Variants in EXOG observed in about 807,000 individuals in gnomAD.
EXOG encodes the protein nuclease EXOG, mitochondrial.
In EXOG, 27 loss-of-function variants were observed where a neutral mutation model predicts 25.8. That is an observed-to-expected ratio of 1.05 (90% CI 0.77 to 1.45). The LOEUF is 1.45. Among genes scored for constraint, EXOG ranks in the 40% most tolerant of loss-of-function variants. The probability of loss-of-function intolerance (pLI) is 0.00; values close to 1 mark genes in which losing one functional copy is unlikely to be tolerated. For synonymous variants in EXOG, 133 were observed against 167.0 expected, an observed-to-expected ratio of 0.80 and a Z score of 1.57; for missense variants, 458 against 450.5, an observed-to-expected ratio of 1.02 and a Z score of -0.15.
intron 3 of EXOG, among the ~76,000 whole-genome samples, chr3:38,502,818 A>G (rs1288679099): frequency 6.6e-6 from 1 of 152,148 alleles, no homozygotes; most frequent in Non-Finnish European, 1.5e-5. Flanking sequence ...TTCCCTGCCA[A>G]AAAGTGGGAG....
rs771296937 is a variant in EXOG at position 38,506,867 on chromosome 3, T to G, written c.544T>G (p.Cys182Gly). ...SGYWNRIEMY[C>G]RELTERFEDV... Reference sequence around the variant, plus strand: ...TTTGTTTTTCAGAATAGAAATGTACTGTCGAGAGCTGACAGAAAGGTTTGA... The same window carrying G: ...TTTGTTTTTCAGAATAGAAATGTACGGTCGAGAGCTGACAGAAAGGTTTGA... Residue 182 changes from cysteine to glycine, a missense_variant, in exon 5 of 6, where the codon TGT becomes GGT. This residue lies in a region of EXOG where 275 missense variants were observed against 230.5 expected (regional missense o/e 1.19). Transcript: ENST00000287675. 1.3e-6 allele frequency: 2 copies of G among 1,569,800 alleles called. No homozygotes were observed. The highest frequency in any genetic ancestry group is 3.4e-5 in the Admixed American group (2 of 59,624).
At chr3:38,521,812 G>A (rs956509394) in intron 5 of EXOG, among the ~76,000 whole-genome samples, 2 of 152,158 alleles carry the variant, frequency 1.3e-5, no homozygotes, top group Non-Finnish European at 2.9e-5. Context: ...TCCCACTCTA[G>A]GTGGTAAGTT....
chr3:38,504,155 G>A (rs1453658628), intron 4 of EXOG, among the ~76,000 whole-genome samples: 6 of 152,176 alleles, frequency 3.9e-5, no homozygotes, highest in Middle Eastern at 3.4e-3. Flanking sequence ...ATTGCTTGAG[G>A]CCAGCAGTTT....
In EXOG at chr3:38,496,377, A is replaced by G. The variant is rs765146335; in HGVS notation, c.10A>G (p.Lys4Glu). 1.9e-6 allele frequency: 3 copies of G among 1,613,486 alleles called. No homozygotes were observed. The highest frequency in any genetic ancestry group is 8.5e-7 in the Non-Finnish European group (1 of 1,179,666). ...CGGTACCTCGGGCAAGATGGCTATC[A>G]AGAGTATCGCTTCCCGCCTCCGGGG... The part of the protein sequence containing the change: MAI[K>E]SIASRLRGSR... Residue 4 changes from lysine to glutamate, a missense_variant, in exon 1 of 6, where the codon AAG (lysine) becomes GAG (glutamate). This residue lies in a region of EXOG where 275 missense variants were observed against 230.5 expected (regional missense o/e 1.19). Transcript: ENST00000287675.
intron 5 of EXOG, among the ~76,000 whole-genome samples, chr3:38,508,716 C>CG (rs1047405871): frequency 1.1e-4 from 17 of 149,176 alleles, no homozygotes; most frequent in South Asian, 2.2e-4. Flanking sequence ...GAACCACCCC[C>CG]CCCCCAAAAA....
chr3:38,523,176 TG>T (rs759137523), intron 5 of EXOG: 1 of 1,284,870 alleles, frequency 7.8e-7, no homozygotes, highest in Non-Finnish European at 1.0e-6. Context: ...TTTCTAGAGC[TG>T]GGAGTACCCA....
At chr3:38,514,778 C>CTCTTTT (rs2060485349) in intron 5 of EXOG, among the ~76,000 whole-genome samples, 9 of 113,610 alleles carry the variant, frequency 7.9e-5, no homozygotes, top group Non-Finnish European at 1.2e-4. Context: ...CCTCCCCCTG[C>CTCTTTT]TTTTTTTTTT....
At chr3:38,496,770 C>T in intron 1 of EXOG, 2 of 1,467,388 alleles carry the variant, frequency 1.4e-6, no homozygotes, top group Non-Finnish European at 9.0e-7. Context: ...AGAACCACCC[C>T]CGCCGCCCGA....
chr3:38,497,584 T>G (rs146082882), intron 1 of EXOG, 45 bp from the exon 2 acceptor site: 161 of 1,543,098 alleles, frequency 1.0e-4, no homozygotes, highest in Admixed American at 2.6e-4. Context: ...GTGTGTGTGT[T>G]TTTTTTGTCT....
At chr3:38,517,034 C>T (rs2060566850) in intron 5 of EXOG, among the ~76,000 whole-genome samples, 2 of 152,154 alleles carry the variant, frequency 1.3e-5, no homozygotes, top group African/African-American at 4.8e-5. Flanking sequence ...TTCACCATTT[C>T]CCCCTTTGGA....
chr3:38,513,947 A>T (rs1409525721), intron 5 of EXOG: 1 of 152,294 alleles, frequency 6.6e-6, no homozygotes, highest in Admixed American at 6.5e-5. Context: ...AGGGGAAGTG[A>T]GATAGGGCAG....
Position 38,501,397 on chromosome 3 carries a change from A to G in EXOG, c.356A>G (p.Asn119Ser), listed in dbSNP as rs2060040076. The G allele has an allele frequency of 1.2e-6, 2 of 1,613,432 alleles. No homozygotes were observed. Among genetic ancestry groups the G allele is most frequent in the Non-Finnish European group, 1.7e-6 (2 of 1,179,360 alleles). ...CATTGTAAATTTAAGCCTGATCCCA[A>G]TATCCCTCCAACCTTCAGTGCCTTC... ...RKHCKFKPDP[N>S]IPPTFSAFNE... Residue 119 changes from asparagine to serine, a missense_variant, in exon 3 of 6, where the codon AAT becomes AGT. Physicochemically the swap from Asn to Ser is conservative, Grantham distance 46. Around this residue, in one of 3 missense-constraint regions of EXOG, gnomAD observed 275 missense variants for 230.5 expected, o/e 1.19. Transcript: ENST00000287675.
chr3:38,512,586 A>T (rs935497157), intron 5 of EXOG, among the ~76,000 whole-genome samples: 2 of 152,108 alleles, frequency 1.3e-5, no homozygotes, highest in African/African-American at 4.8e-5. Context: ...CCGTTGGTAA[A>T]CTTTGCATCA....
intron 5 of EXOG, among the ~76,000 whole-genome samples, chr3:38,510,879 T>G (rs767797132): frequency 6.6e-6 from 1 of 152,134 alleles, no homozygotes; most frequent in Non-Finnish European, 1.5e-5. Context: ...AAGAGTATAC[T>G]TTGAGTAATA....
intron 4 of EXOG, among the ~76,000 whole-genome samples, chr3:38,506,463 G>A (rs2060204931): frequency 6.6e-6 from 1 of 152,142 alleles, no homozygotes. Context: ...TATAAGAAAT[G>A]TTAACATAAG....
At chr3:38,514,778 C>CCCTTTT (rs552262186) in intron 5 of EXOG, among the ~76,000 whole-genome samples, 26 of 113,582 alleles carry the variant, frequency 2.3e-4, no homozygotes, top group African/African-American at 3.5e-4. Context: ...CCTCCCCCTG[C>CCCTTTT]TTTTTTTTTT....
In EXOG at chr3:38,503,711, A is replaced by G. The variant is rs377058923; in HGVS notation, c.530+20A>G. The G allele has an allele frequency of 5.9e-6, 8 of 1,350,398 alleles. No individual in the cohort carries two copies. The highest frequency in any genetic ancestry group is 8.5e-6 in the Non-Finnish European group (8 of 941,974). 83.7% of individuals were successfully genotyped at this position (1,350,398 alleles called of 1,614,324 possible). On this transcript the variant is annotated intron_variant, in intron 4 of 5. Coordinates refer to ENST00000287675, the MANE Select transcript of EXOG (RefSeq NM_005107.4). The stretch of plus-strand genomic sequence containing the variant: ...GAACAGGTGAGGGATGAGAGTTTTA[A>G]AAACATGATTCTATGGAAGATAAAT...
chr3:38,497,162 T>C, intron 1 of EXOG: 1 of 1,003,060 alleles, frequency 1.0e-6, no homozygotes, highest in Non-Finnish European at 1.2e-6. Flanking sequence ...ACTTGGCATC[T>C]AGCAAGAGAA....
At position 38,524,522 on chromosome 3, in the gene EXOG, C is replaced by CAT; in HGVS notation, c.*162_*163dup. On this transcript the variant is annotated 3_prime_UTR_variant, in exon 6 of 6. Coordinates refer to ENST00000287675, the MANE Select transcript of EXOG (RefSeq NM_005107.4). ...CCAGGCTGGAGTGCAGTGGTGGAAT[C>CAT]ATAGCTCACTATAGCCTCAAACTTC... 3 of 1,341,718 alleles carry CAT rather than the reference C, an allele frequency of 2.2e-6. No individual in the cohort carries two copies. The highest frequency in any genetic ancestry group is 2.9e-6 in the Non-Finnish European group (3 of 1,025,182). The allele number at this position is 1,341,718 out of a possible 1,614,324, so 83.1% of individuals were successfully genotyped here. A position where few individuals can be genotyped will look rare whatever the true frequency, so the allele number is the denominator to read the frequency against.
Sources: gnomAD v4.1 joint callset for allele counts (sites outside exome capture counted in the v4.1 genomes callset) on GRCh38, gnomAD v4.1.1 for gene constraint, gnomAD v4.1.1 regional missense constraint, MANE v1.5 for transcripts, NCBI Gene and HGNC (gene_info 2026-07-23, HGNC 2026-07-21) for gene names.